The following RANBP2 variants were observed in gnomAD, a reference collection of about 807,000 sequenced individuals.
RANBP2 encodes RAN binding protein 2.
Under a neutral mutation model 303.6 loss-of-function variants are expected in RANBP2, and 57 were observed. The observed-to-expected ratio is 0.19, with a 90% CI of 0.15 to 0.23. The LOEUF (loss-of-function observed/expected upper bound fraction) is 0.23. Ranked by LOEUF, RANBP2 falls within the 10% of genes least tolerant of loss-of-function variation. RANBP2 has a pLI of 1.00. For synonymous variants in RANBP2, 1,167 were observed against 1,301.5 expected, an observed-to-expected ratio of 0.90 and a Z score of 2.23; for missense variants, 3,138 against 3,780.8, an observed-to-expected ratio of 0.83 and a Z score of 4.46.
chr2:109,133,026 C>T, the RANBP2 span, among the ~76,000 whole-genome samples: 6 of 152,256 alleles, frequency 3.9e-5, no homozygotes, highest in African/African-American at 1.4e-4. Context: ...CATGTAGACT[C>T]GGCTAGGCAC....
chr2:109,003,101 G>A, the RANBP2 span, among the ~76,000 whole-genome samples: 1 of 151,504 alleles, frequency 6.6e-6, no homozygotes, highest in South Asian at 2.1e-4. Context: ...AGCTACTCGG[G>A]AGGCTGAGGC....
the RANBP2 span, among the ~76,000 whole-genome samples, chr2:109,735,959 C>G: frequency 6.6e-6 from 1 of 152,314 alleles, no homozygotes; most frequent in East Asian, 1.9e-4. Context: ...ACTCAGTCCA[C>G]AGAGCACCAA....
At chr2:109,346,258 G>T in the RANBP2 span, among the ~76,000 whole-genome samples, 1 of 152,100 alleles carries the variant, frequency 6.6e-6, no homozygotes, top group Non-Finnish European at 1.5e-5. Context: ...GTGGCTGTTT[G>T]TCAATTTGCC....
the RANBP2 span, among the ~76,000 whole-genome samples, chr2:109,081,588 C>A: frequency 6.6e-6 from 1 of 152,174 alleles, no homozygotes; most frequent in African/African-American, 2.4e-5. Context: ...CTGCCTGTCG[C>A]TTGTGGTCCT....
chr2:109,113,808 C>G, the RANBP2 span, among the ~76,000 whole-genome samples: 3 of 152,170 alleles, frequency 2.0e-5, no homozygotes, highest in Non-Finnish European at 2.9e-5. Context: ...AGATATGTCC[C>G]ATCAATACCT....
At chr2:109,179,003 A>ATGTGTGTGTGTG in the RANBP2 span, among the ~76,000 whole-genome samples, 28,227 of 141,342 alleles carry the variant, frequency 0.2, 2,896 homozygotes, top group East Asian at 0.25. Context: ...AAGTATAATA[A>ATGTGTGTGTGTG]TGTGTGTGTG....
the RANBP2 span, among the ~76,000 whole-genome samples, chr2:109,264,678 G>C: frequency 6.6e-6 from 1 of 152,188 alleles, no homozygotes; most frequent in Non-Finnish European, 1.5e-5. Flanking sequence ...CCCTCCCACT[G>C]AGCCCAGTGG....
At chr2:109,432,678 G>T in the RANBP2 span, 8 of 1,608,052 alleles carry the variant, frequency 5.0e-6, no homozygotes, top group East Asian at 2.2e-5. Flanking sequence ...CCAGGTGAGG[G>T]CATGGTGGTG....
At chr2:109,605,510 T>C in the RANBP2 span, 1 of 152,114 alleles carries the variant, frequency 6.6e-6, no homozygotes. Flanking sequence ...TGTACTTGAA[T>C]AACAAAGTTA....
the RANBP2 span, among the ~76,000 whole-genome samples, chr2:109,291,176 C>T: frequency 6.6e-6 from 1 of 152,128 alleles, no homozygotes; most frequent in Non-Finnish European, 1.5e-5. Context: ...AGTGAGAGGG[C>T]ACCATCTCAC....
the RANBP2 span, among the ~76,000 whole-genome samples, chr2:109,196,689 T>C: frequency 2.0e-5 from 3 of 152,160 alleles, no homozygotes; most frequent in African/African-American, 7.2e-5. Context: ...GGGCTGGCTC[T>C]GTGAATCCTG....
At chr2:109,527,503 A>G in the RANBP2 span, among the ~76,000 whole-genome samples, 1 of 152,216 alleles carries the variant, frequency 6.6e-6, no homozygotes, top group Non-Finnish European at 1.5e-5. Flanking sequence ...AAGACCCCCA[A>G]GAGGAATAAC....
At chr2:109,195,324 G>A in the RANBP2 span, among the ~76,000 whole-genome samples, 1 of 152,186 alleles carries the variant, frequency 6.6e-6, no homozygotes, top group African/African-American at 2.4e-5. Context: ...CTGGGAGGAA[G>A]GAGGGGTGAC....
chr2:109,242,974 TC>T, the RANBP2 span, among the ~76,000 whole-genome samples: 2 of 152,264 alleles, frequency 1.3e-5, no homozygotes, highest in African/African-American at 4.8e-5. Context: ...GAGTCGGACT[TC>T]CGTGACTCAT....
chr2:109,659,859 G>A, the RANBP2 span, among the ~76,000 whole-genome samples: 4 of 152,138 alleles, frequency 2.6e-5, no homozygotes, highest in South Asian at 6.2e-4. Context: ...GCCAGGCCCC[G>A]GCCAGGTATG....
the RANBP2 span, among the ~76,000 whole-genome samples, chr2:109,324,795 A>G: frequency 7.9e-5 from 12 of 152,318 alleles, no homozygotes; most frequent in East Asian, 5.8e-4. Context: ...GAGACCAACT[A>G]TGAATCTGCC....
the RANBP2 span, among the ~76,000 whole-genome samples, chr2:109,290,382 AC>A: frequency 6.6e-6 from 1 of 152,274 alleles, no homozygotes; most frequent in Non-Finnish European, 1.5e-5. Context: ...GGATGAATGT[AC>A]CATAAATACT....
At chr2:108,819,498 A>G in the RANBP2 span, among the ~76,000 whole-genome samples, 1 of 151,982 alleles carries the variant, frequency 6.6e-6, no homozygotes, top group African/African-American at 2.4e-5. Flanking sequence ...AGCACGTAAG[A>G]GCTGCGGAGA....
At chr2:109,374,897 C>G in the RANBP2 span, among the ~76,000 whole-genome samples, 328 of 152,340 alleles carry the variant, frequency 2.2e-3, no homozygotes, top group African/African-American at 7.2e-3. Flanking sequence ...GTGGACCTCA[C>G]AAAGTAAACG....
Sources: gnomAD v4.1 joint callset for allele counts (sites outside exome capture counted in the v4.1 genomes callset) on GRCh38, gnomAD v4.1.1 for gene constraint, MANE v1.5 for transcripts, NCBI Gene and HGNC (gene_info 2026-07-23, HGNC 2026-07-21) for gene names.